Variants in DCBLD1 observed in about 807,000 individuals in gnomAD.
The protein encoded by DCBLD1 is discoidin, CUB and LCCL domain containing 1.
Under a neutral mutation model 71.5 loss-of-function variants are expected in DCBLD1, and 57 were observed. The ratio of observed to expected loss-of-function variants is 0.80; its 90% CI spans 0.64 to 0.99. The LOEUF (loss-of-function observed/expected upper bound fraction) is 0.99, where lower values mean the gene tolerates loss of function less well. Among genes scored for constraint, DCBLD1 ranks in the 50% least tolerant of loss-of-function variants. The pLI, the probability that DCBLD1 is intolerant of heterozygous loss-of-function variation, is 0.00. For missense variants in DCBLD1, 891 were observed against 923.5 expected, an observed-to-expected ratio of 0.96 and a Z score of 0.46; for synonymous variants, 380 against 363.8, an observed-to-expected ratio of 1.04 and a Z score of -0.51.
rs533824670 is a variant in DCBLD1, at chr6:117,501,917, G to A, written c.113-1850G>A. On this transcript the variant is annotated intron_variant, in intron 1 of 14. Transcript: ENST00000338728. ...CTTTTTGCTGTCTATATTGGCCTCT[G>A]TGTTGCAATCATTTCTGGACTGAAC... Among the ~76,000 whole-genome samples the A allele has an allele frequency of 1.2e-4, 18 of 152,268 alleles. No homozygotes were observed. The South Asian group carries it at 2.3e-3, about 19-fold the overall frequency.
chr6:117,563,626 G>A (rs1410279419), intron 14 of DCBLD1, among the ~76,000 whole-genome samples: 1 of 151,996 alleles, frequency 6.6e-6, no homozygotes, highest in Non-Finnish European at 1.5e-5. Flanking sequence ...GGAGACTGAG[G>A]AAGGAGAATC....
intron 1 of DCBLD1, among the ~76,000 whole-genome samples, chr6:117,500,540 G>A (rs975722506): frequency 3.3e-5 from 5 of 152,164 alleles, no homozygotes; most frequent in Non-Finnish European, 2.9e-5. Flanking sequence ...AGTGGAAGTG[G>A]TCGGAAAGAA....
At chr6:117,533,100 T>G (rs893555554) in intron 6 of DCBLD1, among the ~76,000 whole-genome samples, 2 of 152,138 alleles carry the variant, frequency 1.3e-5, no homozygotes, top group Non-Finnish European at 2.9e-5. Context: ...TGGGAGACAC[T>G]CCTGGAGTGG....
intron 1 of DCBLD1, among the ~76,000 whole-genome samples, chr6:117,497,644 A>G (rs190412463): frequency 6.6e-6 from 1 of 152,152 alleles, no homozygotes; most frequent in African/African-American, 2.4e-5. Flanking sequence ...TCAAGAATTT[A>G]CTTGTTAATA....
At chr6:117,540,867 T>C (rs1779071598) in intron 10 of DCBLD1, 51 bp from the exon 11 acceptor site, 1 of 1,613,924 alleles carries the variant, frequency 6.2e-7, no homozygotes, top group Admixed American at 1.7e-5. Context: ...ATATTTTTTT[T>C]CGCCTATCAT....
At chr6:117,539,929 G>C (rs1206543838) in intron 9 of DCBLD1, 1 of 152,424 alleles carries the variant, frequency 6.6e-6, no homozygotes, top group East Asian at 1.9e-4. Flanking sequence ...AAATTAGCCA[G>C]GCGTGGTGGC....
intron 14 of DCBLD1, among the ~76,000 whole-genome samples, chr6:117,563,889 A>G (rs924564008): frequency 1.4e-4 from 21 of 152,090 alleles, no homozygotes; most frequent in African/African-American, 5.1e-4. Flanking sequence ...TATGGCAGGT[A>G]TCAAATATTG....
At chr6:117,522,412 C>T (rs184642806) in intron 4 of DCBLD1, among the ~76,000 whole-genome samples, 1 of 151,872 alleles carries the variant, frequency 6.6e-6, no homozygotes, top group African/African-American at 2.4e-5. Flanking sequence ...AGATCATTGT[C>T]AACAACACTA....
chr6:117,541,269 T>C (rs1779087147), intron 11 of DCBLD1, among the ~76,000 whole-genome samples: 1 of 150,830 alleles, frequency 6.6e-6, no homozygotes, highest in South Asian at 2.1e-4. Context: ...TGTGGAAAAA[T>C]AAAACATTAG....
chr6:117,483,257 G>C (rs1776965891), intron 1 of DCBLD1, among the ~76,000 whole-genome samples: 1 of 152,194 alleles, frequency 6.6e-6, no homozygotes, highest in African/African-American at 2.4e-5. Flanking sequence ...CCCGAGGGTC[G>C]CCTTAGGGGA....
chr6:117,508,644 A>C (rs1483319998), intron 2 of DCBLD1, among the ~76,000 whole-genome samples: 1 of 152,168 alleles, frequency 6.6e-6, no homozygotes, highest in Admixed American at 6.5e-5. Context: ...GAATTTACTC[A>C]GAGGTTTGTT....
At chr6:117,567,048 T>A (rs1430856923) in intron 14 of DCBLD1, 3 of 1,542,982 alleles carry the variant, frequency 1.9e-6, no homozygotes, top group South Asian at 1.2e-5. Flanking sequence ...AAACAGGAAA[T>A]GAAAATGAGA....
At chr6:117,551,260 T>A (rs929165365), downstream of DCBLD1, among the ~76,000 whole-genome samples, 1 of 152,222 alleles carries the variant, frequency 6.6e-6, no homozygotes, top group South Asian at 2.1e-4. Flanking sequence ...ATGAAAATGA[T>A]CAGCCCTTTT....
chr6:117,533,949 A>C (rs1470252333), intron 6 of DCBLD1, among the ~76,000 whole-genome samples: 1 of 152,220 alleles, frequency 6.6e-6, no homozygotes, highest in Non-Finnish European at 1.5e-5. Context: ...AAGCAATGCA[A>C]GTAGTACTGT....
chr6:117,495,756 A>G (rs560901362), intron 1 of DCBLD1, among the ~76,000 whole-genome samples: 1 of 152,360 alleles, frequency 6.6e-6, no homozygotes, highest in South Asian at 2.1e-4. Context: ...GTGACCAAAA[A>G]CTGCAGTGTT....
intron 14 of DCBLD1, among the ~76,000 whole-genome samples, chr6:117,546,899 C>T (rs1779283296): frequency 6.6e-6 from 1 of 152,176 alleles, no homozygotes; most frequent in Non-Finnish European, 1.5e-5. Flanking sequence ...TGTTCCTAAC[C>T]CTCACCACAG....
At chr6:117,538,869 G>A (rs1314307562) in intron 8 of DCBLD1, 34 bp downstream of exon 8, 5 of 1,582,402 alleles carry the variant, frequency 3.2e-6, no homozygotes, top group Non-Finnish European at 4.3e-6. Context: ...AAGTGCAGGA[G>A]TAGTTTCATG....
In DCBLD1 at chr6:117,511,247, G is replaced by A. The variant is rs550062198; in HGVS notation, c.325+7268G>A. On this transcript the variant is annotated intron_variant, in intron 2 of 14. Transcript: ENST00000338728. ...AGGCCTCTCCACAGGAGTATCCGGA[G>A]AATAAAGTGGGAGTCTGAGAAATCA... Among the ~76,000 whole-genome samples, 29 of 152,332 alleles carry A rather than the reference G, an allele frequency of 1.9e-4. No homozygotes were observed. In the South Asian group the frequency reaches 4.8e-3, roughly 25 times the overall value.
chr6:117,507,901 C>A (rs1355985428), intron 2 of DCBLD1: 1 of 152,208 alleles, frequency 6.6e-6, no homozygotes, highest in Non-Finnish European at 1.5e-5. Flanking sequence ...ATTATGAGGT[C>A]ATGTGTCCCT....
Sources: gnomAD v4.1 joint callset for allele counts (sites outside exome capture counted in the v4.1 genomes callset) on GRCh38, gnomAD v4.1.1 for gene constraint, MANE v1.5 for transcripts, NCBI Gene and HGNC (gene_info 2026-07-23, HGNC 2026-07-21) for gene names.